ITGAX: variants seen among roughly 807,000 people sequenced by gnomAD.
The protein encoded by ITGAX is integrin alpha-X.
ITGAX carries 99 observed loss-of-function variants against 140.2 expected under a neutral mutation model. The observed-to-expected ratio is 0.71, with a 90% CI of 0.60 to 0.83. ITGAX has a LOEUF of 0.83. Among genes scored for constraint, ITGAX ranks in the 40% least tolerant of loss-of-function variants. The pLI, the probability that ITGAX is intolerant of heterozygous loss-of-function variation, is 0.00. For synonymous variants in ITGAX, 631 were observed against 600.4 expected (o/e 1.05, Z -0.75); for missense variants, 1,444 against 1,482.0 (o/e 0.97, Z 0.42).
chr16:31,363,016 C>T lies in ITGAX; in HGVS notation c.1441C>T (p.Pro481Ser). ...GSTDLVLIGAPHYYEQTRGGQ... is the reference protein window; with the variant it reads ...GSTDLVLIGASHYYEQTRGGQ... Reference sequence around the variant, plus strand: ...CACCGACCTGGTCCTCATCGGGGCCCCCCATTACTACGAGCAGACCCGAGG... The same window carrying T: ...CACCGACCTGGTCCTCATCGGGGCCTCCCATTACTACGAGCAGACCCGAGG... The change falls in exon 13 of 30, where the codon CCC becomes TCC. Residue 481 changes from proline (P) to serine (S), a missense_variant. Physicochemically the swap from Pro to Ser is moderately conservative, Grantham distance 74. Coordinates refer to ENST00000268296, the MANE Select transcript of ITGAX (RefSeq NM_000887.5). The T allele has an allele frequency of 1.9e-6, 3 of 1,612,236 alleles. No individual in the cohort carries two copies. The highest frequency in any genetic ancestry group is 1.3e-5 in the African/African-American group (1 of 74,948).
rs2081053628 is a variant in ITGAX at position 31,380,006 on chromosome 16, G to A, written c.3001G>A (p.Glu1001Lys). 1.2e-6 allele frequency: 2 copies of A among 1,614,052 alleles called. No individual in the cohort carries two copies. Among genetic ancestry groups the A allele is most frequent in the Admixed American group, 3.3e-5 (2 of 59,996 alleles). The stretch of plus-strand genomic sequence containing the variant: ...GAACCCATCCCTTCGGTGCTCCTCA[G>A]AGAAAATCGCACCCCCAGCATCTGA... The part of the protein sequence containing the change: ...PQNPSLRCSS[E>K]KIAPPASDFL... Residue 1001 changes from glutamate to lysine, a missense_variant, in exon 26 of 30, where the codon GAG (glutamate) becomes AAG (lysine). By Grantham distance (56) the Glu-to-Lys change is moderately conservative (BLOSUM62 1). Transcript: ENST00000268296.
At chr16:31,370,959 C>T in intron 14 of ITGAX, 125 bp from the exon 15 acceptor site, 1 of 1,173,886 alleles carries the variant, frequency 8.5e-7, no homozygotes, top group Non-Finnish European at 1.2e-6. Flanking sequence ...TTCTTGGTGA[C>T]ATCTGTTCAC....
At chr16:31,356,376 C>T (rs560612257) in intron 2 of ITGAX, 22 of 475,922 alleles carry the variant, frequency 4.6e-5, no homozygotes, top group South Asian at 2.2e-4. Context: ...GCAATCCTCC[C>T]GCCTCAGCCT....
chr16:31,380,579 C>T lies in ITGAX; in HGVS notation c.3231C>T (p.Ser1077=), dbSNP rs138644038. The T allele has an allele frequency of 5.2e-5, 84 of 1,614,138 alleles. No homozygotes were observed. Among genetic ancestry groups the T allele is most frequent in the East Asian group, 2.9e-4 (13 of 44,904 alleles). Residue 1077 remains serine, a synonymous_variant, in exon 28 of 30, where the codon TCC becomes TCT. Coordinates refer to ENST00000268296, the MANE Select transcript of ITGAX (RefSeq NM_000887.5). ...VSVAEITFDT[S]VYSQLPGQEA... is the part of the protein sequence containing the mutation. Reference sequence around the variant, plus strand: ...TGGCTGAAATTACGTTCGACACATCCGTGTACTCCCAGCTTCCAGGACAGG... The same window carrying T: ...TGGCTGAAATTACGTTCGACACATCTGTGTACTCCCAGCTTCCAGGACAGG...
intron 29 of ITGAX, 105 bp downstream of exon 29, chr16:31,381,112 C>T: frequency 1.2e-6 from 1 of 836,824 alleles, no homozygotes; most frequent in Non-Finnish European, 1.9e-6. Flanking sequence ...CTTACTGGGT[C>T]ACTTCATATG....
chr16:31,360,825 A>C (rs1231865749), intron 8 of ITGAX: 1 of 535,280 alleles, frequency 1.9e-6, no homozygotes, highest in African/African-American at 1.9e-5. Context: ...ATCCCTTTCA[A>C]GGATAGAAAC....
Position 31,355,957 on chromosome 16 carries a change from C to T in ITGAX, c.102C>T (p.Ser34=), listed in dbSNP as rs1451360469. The part of the protein sequence containing the change: ...TEELTAFRVD[S]AGFGDSVVQY... ...AGCTGACAGCCTTCCGTGTGGACAG[C>T]GCTGGGTTTGGAGACAGCGTGGTCC... is the stretch of plus-strand genomic sequence containing the variant. The change falls in exon 2 of 30, where the codon AGC becomes AGT. Residue 34 remains serine, a synonymous_variant. Coordinates refer to ENST00000268296, the MANE Select transcript of ITGAX (RefSeq NM_000887.5). 3.3e-5 allele frequency: 54 copies of T among 1,613,710 alleles called. No homozygotes were observed. Among genetic ancestry groups the T allele is most frequent in the Admixed American group, 6.7e-5 (4 of 59,976 alleles).
chr16:31,373,719 T>C (rs1462382703), intron 20 of ITGAX, among the ~76,000 whole-genome samples: 2 of 152,238 alleles, frequency 1.3e-5, no homozygotes, highest in Admixed American at 6.5e-5. Context: ...GTTGAATTTA[T>C]TGGTCACTCT....
In ITGAX at chr16:31,355,188, A is replaced by G; in HGVS notation, c.-67A>G. ...CACCTCTCTGCCCACTTGCTTCCTCAGTACCTTGGTCCAGCTCTTCCTGCA... is the reference window on the plus strand; with the variant it reads ...CACCTCTCTGCCCACTTGCTTCCTCGGTACCTTGGTCCAGCTCTTCCTGCA... On this transcript the variant is annotated 5_prime_UTR_variant, in exon 1 of 30. Coordinates refer to ENST00000268296, the MANE Select transcript of ITGAX (RefSeq NM_000887.5). The G allele has an allele frequency of 6.4e-7, 1 of 1,571,844 alleles. No homozygotes were observed. Among genetic ancestry groups the G allele is most frequent in the Non-Finnish European group, 8.7e-7 (1 of 1,144,500 alleles).
chr16:31,382,702 A>C lies in ITGAX; in HGVS notation c.*795A>C. 1 of 566,112 alleles carries C rather than the reference A, an allele frequency of 1.8e-6. No homozygotes were observed. 35.1% of individuals were successfully genotyped at this position (566,112 alleles called of 1,614,324 possible). A position where few individuals can be genotyped will look rare whatever the true frequency, so the allele number is the denominator to read the frequency against. On this transcript the variant is annotated 3_prime_UTR_variant, in exon 30 of 30. Coordinates refer to ENST00000268296, the MANE Select transcript of ITGAX (RefSeq NM_000887.5). ...GAGATGCCTGCATGCTGGGTTCTGC[A>C]CAGCTGGCCTCCCGCGTTGGGCAAC...
Position 31,382,185 on chromosome 16 carries a change from GTCTCCCT to G in ITGAX, c.*285_*291del. ...ACATGGACAATACCCCCAGGCCTCA[GTCTCCCT>G]TCTCCCATGAGGCACGAATGATCTT... is the stretch of plus-strand genomic sequence containing the variant. On this transcript the variant is annotated 3_prime_UTR_variant, in exon 30 of 30. Coordinates refer to ENST00000268296, the MANE Select transcript of ITGAX (RefSeq NM_000887.5). The G allele has an allele frequency of 7.2e-7, 1 of 1,398,248 alleles. No individual in the cohort carries two copies. The allele number at this position is 1,398,248 out of a possible 1,614,324, so 86.6% of individuals were successfully genotyped here.
At chr16:31,378,170 C>T (rs983345041) in intron 23 of ITGAX, among the ~76,000 whole-genome samples, 3 of 152,096 alleles carry the variant, frequency 2.0e-5, no homozygotes, top group Non-Finnish European at 4.4e-5. Context: ...GCCCCAGGCC[C>T]GGAAAAGCCA....
At chr16:31,370,298 A>T (rs538490406) in intron 14 of ITGAX, among the ~76,000 whole-genome samples, 3 of 152,098 alleles carry the variant, frequency 2.0e-5, no homozygotes, top group Admixed American at 6.5e-5. Flanking sequence ...GGGTGCACAG[A>T]GATTTAAAGG....
chr16:31,371,817 C>T lies in ITGAX; in HGVS notation c.2160+33C>T, dbSNP rs565878147. ...TGGGCATGAACGTGGGTGGCGGCCG[C>T]GCTGGGGCTGGCAGAAGGCAGGGCA... On this transcript the variant is annotated intron_variant, in intron 17 of 29. Transcript: ENST00000268296. 4.2e-5 allele frequency: 68 copies of T among 1,607,498 alleles called. 1 individual carries two copies. The Admixed American group carries it at 6.0e-4, about 14-fold the overall frequency.
Position 31,363,362 on chromosome 16 carries a change from C to A in ITGAX, c.1698C>A (p.Pro566=). The change falls in exon 14 of 30, where the codon CCC becomes CCA. Residue 566 remains proline (P), a synonymous_variant. Coordinates refer to ENST00000268296, the MANE Select transcript of ITGAX (RefSeq NM_000887.5). ...GAGTCTTGGGACCCAGCATCAGCCC[C>A]TCCCACAGCCAGGTGAGGCCGTGTC... ...FHGVLGPSIS[P]SHSQRIAGSQ... 1 of 1,613,642 alleles carries A rather than the reference C, an allele frequency of 6.2e-7. No individual in the cohort carries two copies. The highest frequency in any genetic ancestry group is 8.5e-7 in the Non-Finnish European group (1 of 1,179,688).
intron 23 of ITGAX, 69 bp downstream of exon 23, chr16:31,377,334 G>C (rs1250632596): frequency 3.7e-6 from 4 of 1,095,746 alleles, no homozygotes; most frequent in Admixed American, 4.6e-5. Context: ...AAAAAAAAAG[G>C]CCTTGAAACG....
chr16:31,381,063 A>G (rs17641579), intron 29 of ITGAX, 56 bp downstream of exon 29: 29,470 of 1,406,852 alleles, frequency 0.021, 386 homozygotes, highest in Middle Eastern at 0.044. Flanking sequence ...CTCTTTTTGC[A>G]GAGTGAGAAG....
intron 3 of ITGAX, 32 bp downstream of exon 3, chr16:31,356,760 C>G (rs145679140): frequency 6.7e-6 from 10 of 1,495,476 alleles, no homozygotes; most frequent in Admixed American, 2.0e-5. Flanking sequence ...GACCCAGGGC[C>G]GGGCTCCCAG....
intron 7 of ITGAX, 38 bp from the exon 8 acceptor site, chr16:31,360,272 T>G (rs758734108): frequency 3.2e-6 from 5 of 1,571,528 alleles, no homozygotes; most frequent in Non-Finnish European, 4.3e-6. Flanking sequence ...TAGTGTGGTT[T>G]GGTTCACAGG....
Sources: gnomAD v4.1 joint callset for allele counts (sites outside exome capture counted in the v4.1 genomes callset) on GRCh38, gnomAD v4.1.1 for gene constraint, MANE v1.5 for transcripts, NCBI Gene and HGNC (gene_info 2026-07-23, HGNC 2026-07-21) for gene names.